Variants in ZNF341 observed in about 807,000 individuals in gnomAD.
ZNF341 encodes the protein zinc finger protein 341.
A neutral mutation model predicts 87.7 loss-of-function variants in ZNF341; 52 were observed. That is an observed-to-expected ratio of 0.59 (90% CI 0.47 to 0.75). The LOEUF is 0.75. Ranked by LOEUF, ZNF341 falls within the 30% of genes least tolerant of loss-of-function variation. The probability of loss-of-function intolerance (pLI) is 0.00; values close to 1 mark genes in which losing one functional copy is unlikely to be tolerated. For synonymous variants in ZNF341, 459 were observed against 472.7 expected (o/e 0.97, Z 0.38); for missense variants, 977 against 1,145.9 (o/e 0.85, Z 2.13).
At chr20:33,777,173 AAG>A (rs1555788612) in intron 10 of ZNF341, among the ~76,000 whole-genome samples, 2 of 149,650 alleles carry the variant, frequency 1.3e-5, no homozygotes, top group African/African-American at 4.9e-5. Context: ...AAAAAAAAAA[AAG>A]AGGTGGGTAT....
At chr20:33,788,996 G>A in intron 13 of ZNF341, 22 bp downstream of exon 13, 4 of 1,586,864 alleles carry the variant, frequency 2.5e-6, no homozygotes, top group Non-Finnish European at 3.5e-6. Flanking sequence ...CTGCCATGCA[G>A]GGGGGTGGGT....
Position 33,791,328 on chromosome 20 carries a change from G to T in ZNF341, c.2376G>T (p.Pro792=). 1 of 1,611,774 alleles carries T rather than the reference G, an allele frequency of 6.2e-7. No individual in the cohort carries two copies. Among genetic ancestry groups the T allele is most frequent in the African/African-American group, 1.3e-5 (1 of 75,026 alleles). ...TGCCCGAGGCTGTCCCCGGCAAGCC[G>T]CCCTTCGCAGAGCCGGACGCGGTGC... ...GLVPEAVPGK[P]PFAEPDAVLS... Residue 792 remains proline, a synonymous_variant, in exon 15 of 15, where the codon CCG becomes CCT. Transcript: ENST00000375200.
chr20:33,777,583 G>A (rs1265516644), intron 10 of ZNF341, among the ~76,000 whole-genome samples: 2 of 150,410 alleles, frequency 1.3e-5, no homozygotes, highest in African/African-American at 2.5e-5. Context: ...GCAGTGAGCC[G>A]AGATCGGGCC....
At chr20:33,772,010 T>TAAACAAAAAAAAAAAA (rs2019542397) in intron 10 of ZNF341, among the ~76,000 whole-genome samples, 1 of 56,168 alleles carries the variant, frequency 1.8e-5, no homozygotes, top group Non-Finnish European at 3.1e-5. Flanking sequence ...ACGCTTGTCT[T>TAAACAAAAAAAAAAAA]AAAAAAAAAA....
chr20:33,744,585 C>T (rs2018876257), intron 2 of ZNF341, among the ~76,000 whole-genome samples: 1 of 137,614 alleles, frequency 7.3e-6, no homozygotes, highest in African/African-American at 2.8e-5. Flanking sequence ...CTGCAGGAAA[C>T]TGTGTGGTTT....
intron 4 of ZNF341, chr20:33,752,520 G>A (rs940502250): frequency 4.9e-5 from 23 of 468,990 alleles, no homozygotes; most frequent in African/African-American, 3.8e-4. Context: ...TTTTCTTCTC[G>A]CCACCCTTCT....
intron 1 of ZNF341, among the ~76,000 whole-genome samples, chr20:33,736,545 A>T (rs2018688655): frequency 6.6e-6 from 1 of 152,124 alleles, no homozygotes; most frequent in African/African-American, 2.4e-5. Context: ...GCTGGAGTGC[A>T]GTGGCATGAT....
intron 14 of ZNF341, 91 bp downstream of exon 14, chr20:33,789,679 T>C: frequency 7.2e-7 from 1 of 1,397,426 alleles, no homozygotes; most frequent in Non-Finnish European, 1.0e-6. Context: ...AGACATATCC[T>C]GTGAGGCTTG....
In ZNF341 at chr20:33,770,265, G is replaced by A. The variant is rs1601274710; in HGVS notation, c.1595G>A (p.Ser532Asn). 7.4e-7 allele frequency: 1 copy of A among 1,356,130 alleles called. No individual in the cohort carries two copies. Among genetic ancestry groups the A allele is most frequent in the Non-Finnish European group, 9.8e-7 (1 of 1,018,202 alleles). 84.0% of individuals were successfully genotyped at this position (1,356,130 alleles called of 1,614,324 possible). ...TCCCACAGCCTCCTGCCACAGCACAGCCCCAAGAAGGACAATGCCGTCTAC... is the reference window on the plus strand; with the variant it reads ...TCCCACAGCCTCCTGCCACAGCACAACCCCAAGAAGGACAATGCCGTCTAC... ...QYSHSLLPQH[S>N]PKKDNAVYKC... Residue 532 changes from serine to asparagine, a missense_variant, in exon 10 of 15, where the codon AGC (serine) becomes AAC (asparagine). By Grantham distance (46) the Ser-to-Asn change is conservative (BLOSUM62 1). Around this residue, in one of 3 missense-constraint regions of ZNF341, gnomAD observed 241 missense variants for 335.0 expected, o/e 0.72. Transcript: ENST00000375200.
At chr20:33,768,793 A>G (rs1478176456) in intron 9 of ZNF341, among the ~76,000 whole-genome samples, 3 of 152,144 alleles carry the variant, frequency 2.0e-5, no homozygotes, top group Non-Finnish European at 4.4e-5. Flanking sequence ...AGGTAGAAGG[A>G]GTGCATGATA....
chr20:33,765,843 T>C (rs1332163526), intron 8 of ZNF341, among the ~76,000 whole-genome samples: 1 of 151,990 alleles, frequency 6.6e-6, no homozygotes, highest in Non-Finnish European at 1.5e-5. Flanking sequence ...TGAGGAACAG[T>C]GTAGTGAGGG....
intron 7 of ZNF341, among the ~76,000 whole-genome samples, chr20:33,759,126 T>A (rs1386025093): frequency 1.3e-5 from 2 of 152,228 alleles, no homozygotes; most frequent in Admixed American, 6.5e-5. Context: ...CAGAACAGGC[T>A]GGCCTACCAG....
At chr20:33,771,172 A>G (rs1379062598) in intron 10 of ZNF341, among the ~76,000 whole-genome samples, 1 of 152,174 alleles carries the variant, frequency 6.6e-6, no homozygotes, top group Non-Finnish European at 1.5e-5. Context: ...AAAAGCAAAG[A>G]TCATAAAAAT....
At chr20:33,762,790 G>T (rs1043959941) in intron 8 of ZNF341, among the ~76,000 whole-genome samples, 2 of 152,006 alleles carry the variant, frequency 1.3e-5, no homozygotes, top group African/African-American at 4.8e-5. Context: ...ACGGTGTTTG[G>T]TTTTCTGTTC....
chr20:33,788,826 G>A (rs78166933), intron 12 of ZNF341, 37 bp from the exon 13 acceptor site: 1 of 1,587,590 alleles, frequency 6.3e-7, no homozygotes, highest in Admixed American at 1.7e-5. Flanking sequence ...GCCGACTCCT[G>A]GTGAGTGCTG....
At chr20:33,757,869 G>A (rs1283658243) in intron 6 of ZNF341, among the ~76,000 whole-genome samples, 2 of 152,200 alleles carry the variant, frequency 1.3e-5, no homozygotes, top group East Asian at 1.9e-4. Flanking sequence ...GGATTTGTGA[G>A]GAGTGAAGAA....
intron 1 of ZNF341, among the ~76,000 whole-genome samples, chr20:33,734,026 G>C (rs1344757549): frequency 1.3e-5 from 2 of 152,202 alleles, no homozygotes; most frequent in East Asian, 3.8e-4. Context: ...CTTCCTCATT[G>C]TTTGAATATT....
At chr20:33,759,718 T>C (rs1278801792) in intron 7 of ZNF341, among the ~76,000 whole-genome samples, 1 of 152,180 alleles carries the variant, frequency 6.6e-6, no homozygotes, top group Non-Finnish European at 1.5e-5. Context: ...AATTGGTCTT[T>C]AGCACCTTTG....
chr20:33,744,974 TTGC>T (rs1443087728), intron 2 of ZNF341, 126 bp from the exon 3 acceptor site: 1 of 775,446 alleles, frequency 1.3e-6, no homozygotes, highest in Non-Finnish European at 2.1e-6. Context: ...GCCCCCCAGA[TTGC>T]TGCTTGTGGT....
Sources: allele counts gnomAD v4.1 joint callset (sites outside exome capture counted in the v4.1 genomes callset), GRCh38; gene constraint gnomAD v4.1.1; regional missense constraint gnomAD v4.1.1; transcripts MANE v1.5; gene names NCBI Gene and HGNC (gene_info 2026-07-23, HGNC 2026-07-21).